Variants in CMSS1 observed in about 807,000 individuals in gnomAD.
The protein encoded by CMSS1 is protein CMSS1.
In CMSS1, 33 loss-of-function variants were observed where a neutral mutation model predicts 43.5. The observed-to-expected ratio is 0.76, with a 90% CI of 0.57 to 1.01. The LOEUF is 1.01. Among genes scored for constraint, CMSS1 ranks in the 50% least tolerant of loss-of-function variants. The probability of loss-of-function intolerance (pLI) is 0.00; values close to 1 mark genes in which losing one functional copy is unlikely to be tolerated. For missense variants in CMSS1, 313 were observed against 326.4 expected (o/e 0.96, Z 0.32); for synonymous variants, 115 against 117.2 (o/e 0.98, Z 0.12).
At chr3:100,096,906 A>T (rs1001483552) in intron 1 of CMSS1, among the ~76,000 whole-genome samples, 2 of 152,184 alleles carry the variant, frequency 1.3e-5, no homozygotes, top group Non-Finnish European at 2.9e-5. Context: ...CTATGTACCC[A>T]CAAAAATTAA....
In CMSS1 at chr3:100,181,208, G is replaced by C. The variant is rs2067182524; in HGVS notation, c.*2820G>C. On this transcript the variant is annotated 3_prime_UTR_variant, in exon 10 of 10. Coordinates refer to ENST00000421999, the MANE Select transcript of CMSS1 (RefSeq NM_032359.4). ...GACACAGCCAAACCACATCAGCAGG[G>C]TAGTGGTAGAAAGAGCATCAAGTGA... is the stretch of plus-strand genomic sequence containing the variant. The C allele has an allele frequency of 6.6e-6, 1 of 152,188 alleles. No homozygotes were observed. Among genetic ancestry groups the C allele is most frequent in the South Asian group, 2.1e-4 (1 of 4,832 alleles). The allele number at this position is 152,188 out of a possible 1,614,324, so 9.4% of individuals were successfully genotyped here.
chr3:100,125,918 A>C (rs1171996361), intron 1 of CMSS1, among the ~76,000 whole-genome samples: 2 of 152,238 alleles, frequency 1.3e-5, no homozygotes. Flanking sequence ...GGTGCTCTGG[A>C]ACAATGCTTT....
chr3:100,135,985 A>G (rs934922435), intron 1 of CMSS1, among the ~76,000 whole-genome samples: 2 of 152,146 alleles, frequency 1.3e-5, no homozygotes, highest in Non-Finnish European at 2.9e-5. Context: ...TGTTGTCTCA[A>G]CTAGGAAAAT....
chr3:99,843,718 G>A (rs1943234854), intron 1 of CMSS1, among the ~76,000 whole-genome samples: 1 of 152,258 alleles, frequency 6.6e-6, no homozygotes, highest in African/African-American at 2.4e-5. Flanking sequence ...ACAGCACACT[G>A]TAGAGCAGGG....
intron 6 of CMSS1, among the ~76,000 whole-genome samples, chr3:100,170,865 A>G (rs1241091244): frequency 1.3e-5 from 2 of 152,224 alleles, no homozygotes; most frequent in African/African-American, 4.8e-5. Flanking sequence ...GAGACTGTAA[A>G]GTGACAACTC....
chr3:100,116,659 T>C (rs1179050255), intron 1 of CMSS1, among the ~76,000 whole-genome samples: 1 of 152,236 alleles, frequency 6.6e-6, no homozygotes, highest in Non-Finnish European at 1.5e-5. Context: ...TGTCTATTTA[T>C]ATTAAAGACT....
chr3:100,098,720 G>A (rs944822763), intron 1 of CMSS1, among the ~76,000 whole-genome samples: 4 of 152,180 alleles, frequency 2.6e-5, no homozygotes, highest in Non-Finnish European at 1.5e-5. Flanking sequence ...AATGTTGAAT[G>A]TCATTGCCGT....
At chr3:100,131,589 AG>A (rs2066708810) in intron 1 of CMSS1, among the ~76,000 whole-genome samples, 1 of 152,214 alleles carries the variant, frequency 6.6e-6, no homozygotes, top group Admixed American at 6.5e-5. Flanking sequence ...ATCCAGCCTC[AG>A]GCCTTTCCCA....
At position 99,945,941 on chromosome 3, in the gene CMSS1, C is replaced by G. The variant is rs144283216; in HGVS notation, c.64+127898C>G. Among the ~76,000 whole-genome samples the G allele has an allele frequency of 4.2e-3, 636 of 152,344 alleles. 4 individuals carry two copies. Among genetic ancestry groups the G allele is most frequent in the African/African-American group, 0.015 (607 of 41,586 alleles). ...ATGCTTTTGTGTCCACAGCGTGCAA[C>G]TCATTCATAGCTGTTTTCATATCCT... On this transcript the variant is annotated intron_variant, in intron 1 of 9. Transcript: ENST00000421999.
At chr3:99,974,761 C>A (rs903053906) in intron 1 of CMSS1, among the ~76,000 whole-genome samples, 3 of 151,954 alleles carry the variant, frequency 2.0e-5, no homozygotes, top group Non-Finnish European at 2.9e-5. Flanking sequence ...GTGGAAAAAA[C>A]CTGTTGTTTG....
At chr3:99,865,348 CTATCTCATATATTA>C (rs1944461313) in intron 1 of CMSS1, among the ~76,000 whole-genome samples, 1 of 152,152 alleles carries the variant, frequency 6.6e-6, no homozygotes, top group Non-Finnish European at 1.5e-5. Flanking sequence ...TCCACACTTC[CTATCTCATATATTA>C]TATCTCATGA....
In CMSS1 at chr3:99,938,072, TGTGCGCGC is replaced by T. The variant is rs750829520; in HGVS notation, c.64+120031_64+120038del. Among the ~76,000 whole-genome samples, 4 of 142,606 alleles carry T rather than the reference TGTGCGCGC, an allele frequency of 2.8e-5. No individual in the cohort carries two copies. In the East Asian group the frequency reaches 6.1e-4, roughly 22 times the overall value. 93.6% of individuals were successfully genotyped at this position (142,606 alleles called of 152,430 possible). On this transcript the variant is annotated intron_variant, in intron 1 of 9. Transcript: ENST00000421999. The stretch of plus-strand genomic sequence containing the variant: ...GGAAGTGTGTGTGTGTGTGTGTGTG[TGTGCGCGC>T]GCGCGCGCGCGTGCATGCACACTCG...
At chr3:99,859,681 A>G (rs986102371) in intron 1 of CMSS1, among the ~76,000 whole-genome samples, 1 of 152,170 alleles carries the variant, frequency 6.6e-6, no homozygotes, top group Non-Finnish European at 1.5e-5. Context: ...CGTTGATAGT[A>G]GCTGTGTTCA....
Position 100,058,334 on chromosome 3 carries a change from TA to T in CMSS1, c.65-88638del, listed in dbSNP as rs570547388. Among the ~76,000 whole-genome samples the T allele has an allele frequency of 7.2e-3, 1,101 of 152,352 alleles. 4 individuals are homozygous for T. Among genetic ancestry groups the T allele is most frequent in the African/African-American group, 0.01 (419 of 41,588 alleles). Reference sequence around the variant, plus strand: ...CTCCTACTTACAGAATGAAACTTTGTACAATCAGATGCTTATAAACGGGTAT... The same window carrying T: ...CTCCTACTTACAGAATGAAACTTTGTCAATCAGATGCTTATAAACGGGTAT... On this transcript the variant is annotated intron_variant, in intron 1 of 9. Coordinates refer to ENST00000421999, the MANE Select transcript of CMSS1 (RefSeq NM_032359.4).
At chr3:100,020,275 A>G (rs1295118641) in intron 1 of CMSS1, among the ~76,000 whole-genome samples, 1 of 152,206 alleles carries the variant, frequency 6.6e-6, no homozygotes, top group African/African-American at 2.4e-5. Context: ...AATCATTTGC[A>G]GATTTTCTAA....
At chr3:99,887,208 G>A (rs1400425330) in intron 1 of CMSS1, among the ~76,000 whole-genome samples, 4 of 151,770 alleles carry the variant, frequency 2.6e-5, no homozygotes, top group Non-Finnish European at 5.9e-5. Context: ...AGGAGGTCGC[G>A]GTTAGCCGAG....
intron 1 of CMSS1, among the ~76,000 whole-genome samples, chr3:99,960,915 G>A (rs1271428401): frequency 3.9e-5 from 6 of 152,174 alleles, no homozygotes; most frequent in African/African-American, 1.4e-4. Flanking sequence ...CCAACAAAGT[G>A]AAATGTAAAA....
chr3:99,909,444 G>C (rs1706722500), intron 1 of CMSS1, among the ~76,000 whole-genome samples: 2 of 152,132 alleles, frequency 1.3e-5, no homozygotes, highest in African/African-American at 2.4e-5. Context: ...GGTATCAAAA[G>C]GAGTTAGAGC....
rs2067183271 is a variant in CMSS1 at position 100,181,266 on chromosome 3, C to T, written c.*2878C>T. ...CCTTTGTAAACGTATAAAAAGACAACAATATAATTACAGCTGTCTTATTAA... is the reference window on the plus strand; with the variant it reads ...CCTTTGTAAACGTATAAAAAGACAATAATATAATTACAGCTGTCTTATTAA... On this transcript the variant is annotated 3_prime_UTR_variant, in exon 10 of 10. Coordinates refer to ENST00000421999, the MANE Select transcript of CMSS1 (RefSeq NM_032359.4). 6.6e-6 allele frequency: 1 copy of T among 152,144 alleles called. No individual in the cohort carries two copies. The highest frequency in any genetic ancestry group is 2.4e-5 in the African/African-American group (1 of 41,428). The allele number at this position is 152,144 out of a possible 1,614,324, so 9.4% of individuals were successfully genotyped here.
Sources: allele counts gnomAD v4.1 joint callset (sites outside exome capture counted in the v4.1 genomes callset), GRCh38; gene constraint gnomAD v4.1.1; transcripts MANE v1.5; gene names NCBI Gene and HGNC (gene_info 2026-07-23, HGNC 2026-07-21).